The following FBXO4 variants were observed in gnomAD, a reference collection of about 807,000 sequenced individuals.
FBXO4 encodes the protein F-box only protein 4.
A neutral mutation model predicts 43.7 loss-of-function variants in FBXO4; 36 were observed. The ratio of observed to expected loss-of-function variants is 0.82; its 90% CI spans 0.63 to 1.09. FBXO4 has a LOEUF of 1.09. Ranked by LOEUF, FBXO4 falls within the 50% of genes least tolerant of loss-of-function variation. The pLI, the probability that FBXO4 is intolerant of heterozygous loss-of-function variation, is 0.00. For synonymous variants in FBXO4, 180 were observed against 165.6 expected (o/e 1.09, Z -0.67); for missense variants, 435 against 474.1 (o/e 0.92, Z 0.77).
the FBXO4 span, among the ~76,000 whole-genome samples, chr5:42,011,246 G>A: frequency 1.3e-3 from 192 of 152,302 alleles, no homozygotes; most frequent in African/African-American, 4.3e-3. Flanking sequence ...AGTGGGAGGT[G>A]TTTTGGTAAT....
chr5:42,017,143 A>C, the FBXO4 span, among the ~76,000 whole-genome samples: 1 of 152,072 alleles, frequency 6.6e-6, no homozygotes, highest in Admixed American at 6.6e-5. Flanking sequence ...TCGATTGAGA[A>C]GAACACAGCT....
chr5:41,976,141 T>A, the FBXO4 span, among the ~76,000 whole-genome samples: 2 of 152,114 alleles, frequency 1.3e-5, no homozygotes, highest in Non-Finnish European at 1.5e-5. Flanking sequence ...TCCAAACATC[T>A]CCCACCAGGC....
chr5:41,971,856 A>C, the FBXO4 span, among the ~76,000 whole-genome samples: 34 of 152,086 alleles, frequency 2.2e-4, no homozygotes, highest in Non-Finnish European at 4.3e-4. Context: ...ATTTCATTTT[A>C]TAAATATGTA....
the FBXO4 span, among the ~76,000 whole-genome samples, chr5:42,006,114 T>C: frequency 1.3e-5 from 2 of 152,146 alleles, no homozygotes; most frequent in African/African-American, 4.8e-5. Context: ...AAAGCTTAGC[T>C]TAGCCTAAGC....
the FBXO4 span, among the ~76,000 whole-genome samples, chr5:42,020,723 A>T: frequency 6.6e-6 from 1 of 152,188 alleles, no homozygotes; most frequent in African/African-American, 2.4e-5. Flanking sequence ...GCCAACTTCA[A>T]CTTATGTCTC....
chr5:41,999,522 T>C, the FBXO4 span, among the ~76,000 whole-genome samples: 2,072 of 109,868 alleles, frequency 0.019, 55 homozygotes, highest in African/African-American at 0.062. Context: ...TATATATATA[T>C]ACATATATAT....
the FBXO4 span, among the ~76,000 whole-genome samples, chr5:41,982,266 G>A: frequency 3.3e-5 from 5 of 152,152 alleles, no homozygotes; most frequent in Admixed American, 6.5e-5. Flanking sequence ...TATATACCCA[G>A]TAATGGGATG....
the FBXO4 span, among the ~76,000 whole-genome samples, chr5:42,028,162 G>C: frequency 6.6e-6 from 1 of 151,462 alleles, no homozygotes; most frequent in African/African-American, 2.4e-5. Context: ...TATTGTATTG[G>C]AGTAGCTCTA....
chr5:41,986,291 T>C, the FBXO4 span, among the ~76,000 whole-genome samples: 1 of 151,900 alleles, frequency 6.6e-6, no homozygotes, highest in Non-Finnish European at 1.5e-5. Flanking sequence ...TTTGGCCCCA[T>C]TTACCAAAAA....
the FBXO4 span, among the ~76,000 whole-genome samples, chr5:42,030,654 A>C: frequency 6.6e-6 from 1 of 151,770 alleles, no homozygotes; most frequent in Non-Finnish European, 1.5e-5. Context: ...AGAAACTACC[A>C]TCAGAGTGAA....
intron 5 of FBXO4, among the ~76,000 whole-genome samples, chr5:41,937,696 G>A (rs1041696427): frequency 4.6e-5 from 7 of 152,164 alleles, no homozygotes; most frequent in Non-Finnish European, 1.0e-4. Flanking sequence ...GGACACTAGG[G>A]AGTCCAAGAT....
At chr5:41,935,350 G>A (rs1019030673) in intron 5 of FBXO4, among the ~76,000 whole-genome samples, 1 of 152,182 alleles carries the variant, frequency 6.6e-6, no homozygotes, top group Admixed American at 6.5e-5. Context: ...TGCCCTCCTT[G>A]GTGGTACAGG....
chr5:41,975,593 A>T, the FBXO4 span, among the ~76,000 whole-genome samples: 1 of 152,252 alleles, frequency 6.6e-6, no homozygotes, highest in Non-Finnish European at 1.5e-5. Flanking sequence ...AAAATTGTAC[A>T]GAACAATTCA....
chr5:42,015,050 G>A, the FBXO4 span, among the ~76,000 whole-genome samples: 1 of 152,154 alleles, frequency 6.6e-6, no homozygotes, highest in Admixed American at 6.6e-5. Flanking sequence ...CATTCCAAGA[G>A]TAAAGCAGTA....
intron 5 of FBXO4, chr5:41,934,917 A>G: frequency 1.0e-6 from 1 of 979,490 alleles, no homozygotes. Context: ...TTTGTGAACA[A>G]GGTAGAATAT....
the FBXO4 span, among the ~76,000 whole-genome samples, chr5:42,036,326 G>C: frequency 6.6e-6 from 1 of 151,798 alleles, no homozygotes; most frequent in Non-Finnish European, 1.5e-5. Context: ...TATGAGATTA[G>C]TCTTGTTACT....
At chr5:41,938,160 A>C (rs1751900015) in intron 5 of FBXO4, among the ~76,000 whole-genome samples, 1 of 152,216 alleles carries the variant, frequency 6.6e-6, no homozygotes, top group Admixed American at 6.5e-5. Context: ...TAATAAAAAA[A>C]ACTAATAGTG....
At chr5:41,938,911 G>C (rs1275990680) in intron 5 of FBXO4, among the ~76,000 whole-genome samples, 1 of 151,468 alleles carries the variant, frequency 6.6e-6, no homozygotes, top group African/African-American at 2.4e-5. Flanking sequence ...CTTTCAACAA[G>C]AAGAGCCGCT....
At chr5:42,036,081 A>C in the FBXO4 span, among the ~76,000 whole-genome samples, 7 of 152,180 alleles carry the variant, frequency 4.6e-5, no homozygotes, top group Admixed American at 4.6e-4. Flanking sequence ...TGCTTAAAAC[A>C]GTCTCATATA....
Sources: allele counts gnomAD v4.1 joint callset (sites outside exome capture counted in the v4.1 genomes callset), GRCh38; gene constraint gnomAD v4.1.1; transcripts MANE v1.5; gene names NCBI Gene and HGNC (gene_info 2026-07-23, HGNC 2026-07-21).